Variants in TIMP3 observed in about 807,000 individuals in gnomAD.
TIMP3 encodes the protein TIMP metallopeptidase inhibitor 3.
Under a neutral mutation model 30.0 loss-of-function variants are expected in TIMP3, and 11 were observed. That is an observed-to-expected ratio of 0.37 (90% confidence interval 0.23 to 0.61). TIMP3 has a LOEUF of 0.61. Ranked by LOEUF, TIMP3 falls within the 20% of genes least tolerant of loss-of-function variation. The pLI, the probability that TIMP3 is intolerant of heterozygous loss-of-function variation, is 0.70. For missense variants in TIMP3, 181 were observed against 276.8 expected (o/e 0.65, Z 2.45); for synonymous variants, 112 against 111.3 (o/e 1.01, Z -0.04).
chr22:32,839,010 A>C (rs984496011), intron 1 of TIMP3, among the ~76,000 whole-genome samples: 1 of 151,684 alleles, frequency 6.6e-6, no homozygotes, highest in African/African-American at 2.4e-5. Flanking sequence ...GGGTGGACAG[A>C]AGGCTTCCTG....
At chr22:32,831,917 T>C (rs2047585312) in intron 1 of TIMP3, among the ~76,000 whole-genome samples, 1 of 152,118 alleles carries the variant, frequency 6.6e-6, no homozygotes, top group Admixed American at 6.5e-5. Context: ...GGCACTAAAA[T>C]TGAGGCAAGG....
At chr22:32,833,995 T>A (rs2047656057) in intron 1 of TIMP3, among the ~76,000 whole-genome samples, 2 of 152,202 alleles carry the variant, frequency 1.3e-5, no homozygotes, top group African/African-American at 4.8e-5. Context: ...GCTTTCTGTG[T>A]CAGTGTTTGA....
At chr22:32,846,673 A>G (rs1388211595) in intron 1 of TIMP3, among the ~76,000 whole-genome samples, 3 of 152,236 alleles carry the variant, frequency 2.0e-5, no homozygotes, top group East Asian at 1.9e-4. Context: ...CCTGGCTCTC[A>G]GGCTCCAGAG....
At chr22:32,858,942 T>G (rs1205825583) in intron 4 of TIMP3, among the ~76,000 whole-genome samples, 3 of 152,168 alleles carry the variant, frequency 2.0e-5, no homozygotes, top group African/African-American at 7.2e-5. Context: ...TTACTTAACC[T>G]CTCAGAGCCT....
chr22:32,840,821 C>T (rs1042273162), intron 1 of TIMP3, among the ~76,000 whole-genome samples: 4 of 152,188 alleles, frequency 2.6e-5, no homozygotes, highest in South Asian at 2.1e-4. Flanking sequence ...CCTGGCTTTC[C>T]GTCCTTGCTT....
At chr22:32,838,256 G>C (rs938527462) in intron 1 of TIMP3, among the ~76,000 whole-genome samples, 2 of 151,996 alleles carry the variant, frequency 1.3e-5, no homozygotes, top group Non-Finnish European at 2.9e-5. Flanking sequence ...TGAGGAGAAG[G>C]AGGGGGGGTG....
At chr22:32,809,788 C>T (rs936809437) in intron 1 of TIMP3, among the ~76,000 whole-genome samples, 2 of 152,156 alleles carry the variant, frequency 1.3e-5, no homozygotes, top group Admixed American at 1.3e-4. Flanking sequence ...ATTGCATTGT[C>T]GGATTTGGGT....
chr22:32,802,172 C>A, intron 1 of TIMP3, 50 bp downstream of exon 1: 1 of 1,550,066 alleles, frequency 6.5e-7, no homozygotes. Context: ...GCCAGGACTG[C>A]AGCGCTGCTT....
intron 1 of TIMP3, among the ~76,000 whole-genome samples, chr22:32,822,911 C>T (rs1601454439): frequency 6.9e-6 from 1 of 145,590 alleles, no homozygotes; most frequent in Non-Finnish European, 1.5e-5. Context: ...TTGTTAAAAA[C>T]AACAACAACA....
intron 1 of TIMP3, among the ~76,000 whole-genome samples, chr22:32,803,162 G>C (rs543566384): frequency 1.3e-5 from 2 of 152,292 alleles, no homozygotes; most frequent in East Asian, 3.9e-4. Flanking sequence ...GTGTGTGTGT[G>C]TGCACTGGGC....
At chr22:32,847,905 C>T (rs1043497343) in intron 1 of TIMP3, among the ~76,000 whole-genome samples, 1 of 152,232 alleles carries the variant, frequency 6.6e-6, no homozygotes, top group Non-Finnish European at 1.5e-5. Flanking sequence ...GTATCCAGCA[C>T]CCTCATCACA....
At chr22:32,803,842 G>A (rs955374869) in intron 1 of TIMP3, among the ~76,000 whole-genome samples, 33 of 152,110 alleles carry the variant, frequency 2.2e-4, no homozygotes, top group African/African-American at 7.7e-4. Context: ...CTTCACTTGC[G>A]TTTTTTTGGT....
At chr22:32,805,536 G>A (rs985992797) in intron 1 of TIMP3, among the ~76,000 whole-genome samples, 2 of 152,162 alleles carry the variant, frequency 1.3e-5, no homozygotes, top group East Asian at 3.9e-4. Context: ...GGAAGGAGGA[G>A]AGCTGCTATC....
At chr22:32,819,139 G>GT (rs886232137) in intron 1 of TIMP3, among the ~76,000 whole-genome samples, 5 of 152,316 alleles carry the variant, frequency 3.3e-5, no homozygotes, top group South Asian at 2.1e-4. Flanking sequence ...TTGTTTTCTT[G>GT]TTTTTTCCAC....
At chr22:32,820,353 C>CGT (rs35230068) in intron 1 of TIMP3, among the ~76,000 whole-genome samples, 74,421 of 141,474 alleles carry the variant, frequency 0.53, 19,448 homozygotes, top group East Asian at 0.71. Context: ...CATTCCACTG[C>CGT]GTGTGTGTGT....
chr22:32,820,687 G>T lies in TIMP3; in HGVS notation c.121+18565G>T, dbSNP rs2047221299. Among the ~76,000 whole-genome samples, 6 of 152,306 alleles carry T rather than the reference G, an allele frequency of 3.9e-5. No individual in the cohort carries two copies. The South Asian group carries it at 1.2e-3, about 32-fold the overall frequency. ...CATCACCAGGACCTGATTACCCCCAGGCACCAAGGAGCACCTGGGACCAAG... is the reference window on the plus strand; with the variant it reads ...CATCACCAGGACCTGATTACCCCCATGCACCAAGGAGCACCTGGGACCAAG... On this transcript the variant is annotated intron_variant, in intron 1 of 4. Coordinates refer to ENST00000266085, the MANE Select transcript of TIMP3 (RefSeq NM_000362.5).
At chr22:32,803,078 G>A (rs1442689633) in intron 1 of TIMP3, among the ~76,000 whole-genome samples, 2 of 152,082 alleles carry the variant, frequency 1.3e-5, no homozygotes, top group Non-Finnish European at 2.9e-5. Flanking sequence ...TAAAGGTGGA[G>A]TGGCATCTGG....
At chr22:32,812,118 C>G (rs1171955013) in intron 1 of TIMP3, among the ~76,000 whole-genome samples, 2 of 152,168 alleles carry the variant, frequency 1.3e-5, no homozygotes, top group African/African-American at 4.8e-5. Flanking sequence ...ATCTGTAAAA[C>G]AGCAGGATAT....
At chr22:32,831,399 C>G (rs1374139241) in intron 1 of TIMP3, among the ~76,000 whole-genome samples, 1 of 152,070 alleles carries the variant, frequency 6.6e-6, no homozygotes, top group East Asian at 1.9e-4. Context: ...GAAGAGTCTA[C>G]TTGTCTGTGA....
Sources: gnomAD v4.1 joint callset for allele counts (sites outside exome capture counted in the v4.1 genomes callset) on GRCh38, gnomAD v4.1.1 for gene constraint, MANE v1.5 for transcripts, NCBI Gene and HGNC (gene_info 2026-07-23, HGNC 2026-07-21) for gene names.